ADAM19: variants seen among roughly 807,000 people sequenced by gnomAD.
ADAM19 encodes ADAM metallopeptidase domain 19.
Under a neutral mutation model 114.7 loss-of-function variants are expected in ADAM19, and 65 were observed. The ratio of observed to expected loss-of-function variants is 0.57; its 90% CI spans 0.46 to 0.70. ADAM19 has a LOEUF of 0.70. Among genes scored for constraint, ADAM19 ranks in the 30% least tolerant of loss-of-function variants. ADAM19 has a pLI of 0.00. For missense variants in ADAM19, 1,063 were observed against 1,204.7 expected (o/e 0.88, Z 1.74); for synonymous variants, 466 against 460.5 (o/e 1.01, Z -0.15).
chr5:157,541,174 C>T (rs538725876), intron 3 of ADAM19, among the ~76,000 whole-genome samples: 67 of 152,256 alleles, frequency 4.4e-4, no homozygotes, highest in African/African-American at 1.6e-3. Flanking sequence ...CCCAGCTGCC[C>T]CATTCTCTGA....
In ADAM19 at chr5:157,488,460, C is replaced by T. The variant is rs957129833; in HGVS notation, c.2355G>A (p.Lys785=). 11 of 1,606,682 alleles carry T rather than the reference C, an allele frequency of 6.8e-6. No individual in the cohort carries two copies. Among genetic ancestry groups the T allele is most frequent in the Non-Finnish European group, 9.4e-6 (11 of 1,175,760 alleles). The change falls in exon 21 of 23, where the codon AAG becomes AAA. Residue 785 remains lysine, a synonymous_variant. Transcript: ENST00000257527. ...KVINTPEILR[K]PSQPPPRPPP... ...GGGGCCGGGGAGGAGGCTGGGAGGG[C>T]TTCCGCAGGATTTCCGGAGTGTTGA... is the stretch of plus-strand genomic sequence containing the variant.
chr5:157,523,538 CCTTTCTCTCTCA>C (rs1189090896), intron 5 of ADAM19, among the ~76,000 whole-genome samples: 7 of 152,122 alleles, frequency 4.6e-5, no homozygotes, highest in South Asian at 2.1e-4. Flanking sequence ...GCACCTCCTC[CCTTTCTCTCTCA>C]CTTTCTCTCT....
intron 2 of ADAM19, 30 bp downstream of exon 2, chr5:157,570,865 C>CCAGT (rs1351549274): frequency 6.3e-7 from 1 of 1,591,106 alleles, no homozygotes; most frequent in Non-Finnish European, 8.6e-7. Flanking sequence ...TCAACTCCTG[C>CCAGT]CAGTGTAAAT....
rs1049389398 is a variant in ADAM19 at position 157,480,010 on chromosome 5, T to C, written c.*939A>G. 18 of 985,668 alleles carry C rather than the reference T, an allele frequency of 1.8e-5. No individual in the cohort carries two copies. Among genetic ancestry groups the C allele is most frequent in the Admixed American group, 1.2e-4 (2 of 16,252 alleles). The allele number at this position is 985,668 out of a possible 1,614,324, so 61.1% of individuals were successfully genotyped here. On this transcript the variant is annotated 3_prime_UTR_variant, in exon 23 of 23. Transcript: ENST00000257527. ...CTCTGGTCACACTCCTGAGAGCCAG[T>C]GAGGGAAATCCAGTGGCCGACTGTG...
At chr5:157,524,667 A>T (rs1268131293) in intron 5 of ADAM19, among the ~76,000 whole-genome samples, 2 of 152,320 alleles carry the variant, frequency 1.3e-5, no homozygotes, top group East Asian at 3.9e-4. Flanking sequence ...CCTGCAAAAA[A>T]GAGAAGAGAA....
intron 21 of ADAM19, among the ~76,000 whole-genome samples, chr5:157,482,407 A>G (rs1379525867): frequency 3.9e-5 from 6 of 152,188 alleles, no homozygotes; most frequent in Admixed American, 1.3e-4. Context: ...CTTTAGTTCA[A>G]TCAGATCCCA....
chr5:157,485,949 G>A (rs1249568865), intron 21 of ADAM19, among the ~76,000 whole-genome samples: 1 of 152,250 alleles, frequency 6.6e-6, no homozygotes, highest in Admixed American at 6.5e-5. Context: ...AGCTCCTGGA[G>A]GCAAAGCTGC....
intron 7 of ADAM19, among the ~76,000 whole-genome samples, chr5:157,514,167 C>G (rs1756019999): frequency 6.6e-6 from 1 of 152,138 alleles, no homozygotes; most frequent in Non-Finnish European, 1.5e-5. Flanking sequence ...GAAATAACCA[C>G]AGTGGGAGGT....
chr5:157,479,426 G>A lies in ADAM19; in HGVS notation c.*1523C>T. The A allele has an allele frequency of 3.0e-6, 3 of 986,044 alleles. No individual in the cohort carries two copies. Among genetic ancestry groups the A allele is most frequent in the South Asian group, 4.7e-5 (1 of 21,288 alleles). 61.1% of individuals were successfully genotyped at this position (986,044 alleles called of 1,614,324 possible). A position where few individuals can be genotyped will look rare whatever the true frequency, so the allele number is the denominator to read the frequency against. Reference sequence around the variant, plus strand: ...GAGGAGGCCCCAGGAAAGCCTCAGAGGAGTGAGAGTCAGGCCAGCTCCTGT... The same window carrying A: ...GAGGAGGCCCCAGGAAAGCCTCAGAAGAGTGAGAGTCAGGCCAGCTCCTGT... On this transcript the variant is annotated 3_prime_UTR_variant, in exon 23 of 23. Coordinates refer to ENST00000257527, the MANE Select transcript of ADAM19 (RefSeq NM_033274.5).
intron 4 of ADAM19, among the ~76,000 whole-genome samples, chr5:157,533,163 G>A (rs936049151): frequency 1.3e-5 from 2 of 152,154 alleles, no homozygotes; most frequent in Admixed American, 6.5e-5. Flanking sequence ...ACACGGCCTC[G>A]TTCTCCAGAC....
chr5:157,506,919 T>C (rs555300289), intron 10 of ADAM19, 137 bp downstream of exon 10: 1 of 710,370 alleles, frequency 1.4e-6, no homozygotes, highest in Non-Finnish European at 2.4e-6. Context: ...GACTTCATTT[T>C]AAACAATTGC....
chr5:157,489,899 A>G (rs1755090376), intron 19 of ADAM19, among the ~76,000 whole-genome samples: 1 of 152,226 alleles, frequency 6.6e-6, no homozygotes, highest in African/African-American at 2.4e-5. Flanking sequence ...AGGCAGGAGA[A>G]TCGCTTGAAC....
intron 5 of ADAM19, among the ~76,000 whole-genome samples, chr5:157,524,686 G>T (rs1221529964): frequency 6.6e-6 from 1 of 152,194 alleles, no homozygotes. Flanking sequence ...AAGGCTTGTA[G>T]GTCATGTACT....
rs56384823 is a variant in ADAM19 at position 157,502,808 on chromosome 5, C to A, written c.1303G>T (p.Glu435Ter). The change falls in exon 12 of 23, where the codon GAA (glutamate) becomes TAA (stop). Residue 435 changes from glutamate (E) to a stop codon, truncating the protein, a stop_gained. Transcript: ENST00000257527. LOFTEE classifies it high-confidence loss of function. ...GCACCATTGTGACCCCTCACCTCTTCTTCTCCACAGTCACACTCTTCCCCA... is the reference window on the plus strand; with the variant it reads ...GCACCATTGTGACCCCTCACCTCTTATTCTCCACAGTCACACTCTTCCCCA... ...EDGEECDCGE[E>*]EECNNPCCNA... 2 of 1,613,924 alleles carry A rather than the reference C, an allele frequency of 1.2e-6. No individual in the cohort carries two copies. The highest frequency in any genetic ancestry group is 1.7e-6 in the Non-Finnish European group (2 of 1,179,822).
At chr5:157,499,804 T>A in intron 12 of ADAM19, 142 bp from the exon 13 acceptor site, 2 of 592,678 alleles carry the variant, frequency 3.4e-6, no homozygotes, top group Non-Finnish European at 5.9e-6. Context: ...TGAGAGGGAG[T>A]CTCGATCTGT....
chr5:157,490,173 G>A, intron 19 of ADAM19, 137 bp downstream of exon 19: 1 of 900,052 alleles, frequency 1.1e-6, no homozygotes, highest in Non-Finnish European at 1.7e-6. Context: ...TCATAGCAGG[G>A]GAGAGGGCAG....
intron 14 of ADAM19, 85 bp from the exon 15 acceptor site, chr5:157,494,880 T>A: frequency 9.2e-7 from 1 of 1,087,420 alleles, no homozygotes; most frequent in East Asian, 2.4e-5. Flanking sequence ...GTCATGAAGG[T>A]AAGAATATTT....
chr5:157,488,419 C>T lies in ADAM19; in HGVS notation c.2396G>A (p.Arg799His), dbSNP rs200682961. The T allele has an allele frequency of 1.7e-4, 277 of 1,613,484 alleles. No homozygotes were observed. The highest frequency in any genetic ancestry group is 2.3e-4 in the South Asian group (21 of 91,034). Residue 799 changes from arginine to histidine, a missense_variant, in exon 21 of 23, where the codon CGT becomes CAT. Coordinates refer to ENST00000257527, the MANE Select transcript of ADAM19 (RefSeq NM_033274.5). ...PPPRPPPDYL[R>H]GGSPPAPLPA... ...CAGTGGTGCAGGTGGGGACCCACCA[C>T]GCAGATAATCTGGAGGGGGCCGGGG...
At chr5:157,566,451 C>G (rs761627835) in intron 2 of ADAM19, 4 of 152,178 alleles carry the variant, frequency 2.6e-5, no homozygotes, top group Non-Finnish European at 5.9e-5. Flanking sequence ...ATTGCTTTCA[C>G]AGTTTAAGAA....
Sources: allele counts gnomAD v4.1 joint callset (sites outside exome capture counted in the v4.1 genomes callset), GRCh38; gene constraint gnomAD v4.1.1; transcripts MANE v1.5; gene names NCBI Gene and HGNC (gene_info 2026-07-23, HGNC 2026-07-21).